ATP7A: variants seen among roughly 807,000 people sequenced by gnomAD.
ATP7A encodes the protein copper-transporting ATPase 1.
In ATP7A, 7 loss-of-function variants were observed where a neutral mutation model predicts 83.5. The ratio of observed to expected loss-of-function variants is 0.08; its 90% CI spans 0.05 to 0.16. The LOEUF (loss-of-function observed/expected upper bound fraction) is 0.16. ATP7A is among the 10% of genes least tolerant of loss of function. The pLI, the probability that ATP7A is intolerant of heterozygous loss-of-function variation, is 1.00. For missense variants in ATP7A, 940 were observed against 1,120.8 expected (o/e 0.84, Z 2.30); for synonymous variants, 354 against 395.2 (o/e 0.90, Z 1.24).
At chrX:78,008,970 C>T (rs375913727) in intron 6 of ATP7A, 132 bp from the exon 7 acceptor site, 23 of 666,333 alleles carry the variant, frequency 3.5e-5, no homozygotes, top group Admixed American at 2.4e-4. Context: ...GAGCCGAGAT[C>T]GCACCACTGC....
chrX:77,947,515 T>C (rs2077386713), intron 1 of ATP7A, among the ~76,000 whole-genome samples: 1 of 109,786 alleles, frequency 9.1e-6, no homozygotes, highest in African/African-American at 3.3e-5. Flanking sequence ...CTTGGCTCAC[T>C]GCAACCTCCG....
At position 78,046,344 on chromosome X, in the gene ATP7A, T is replaced by C. The variant is rs782077921; in HGVS notation, c.4277T>C (p.Ile1426Thr). 4 of 1,210,079 alleles carry C rather than the reference T, an allele frequency of 3.3e-6. No homozygotes were observed. In the East Asian group the frequency reaches 1.2e-4, roughly 36 times the overall value. Residue 1426 changes from isoleucine (I) to threonine (T), a missense_variant, in exon 23 of 23, where the codon ATA becomes ACA. This residue lies in a region of ATP7A where 386 missense variants were observed against 502.2 expected (regional missense o/e 0.77). Transcript: ENST00000341514. ...ESYELPARSQ[I>T]GQKSPSEISV... ...TATGAACTGCCTGCCCGGAGCCAGA[T>C]AGGACAGAAGAGTCCTTCAGAAATC... is the stretch of plus-strand genomic sequence containing the variant.
intron 1 of ATP7A, among the ~76,000 whole-genome samples, chrX:77,948,100 T>TATTTATTCATTC (rs1452191503): frequency 1.2e-4 from 11 of 89,748 alleles, no homozygotes; most frequent in African/African-American, 4.5e-4. Context: ...TTTATTTATT[T>TATTTATTCATTC]ATTCATTCAT....
chrX:78,029,569 T>C (rs782103611), intron 15 of ATP7A, 125 bp downstream of exon 15: 1 of 722,758 alleles, frequency 1.4e-6, no homozygotes, highest in Non-Finnish European at 2.1e-6. Flanking sequence ...TCTAGGACTA[T>C]CCAGAGATTT....
chrX:77,986,746 A>C (rs782721512), intron 2 of ATP7A, among the ~76,000 whole-genome samples: 1 of 111,024 alleles, frequency 9.0e-6, no homozygotes, highest in South Asian at 3.8e-4. Flanking sequence ...CTTAATTCAG[A>C]CCCTCTATTG....
chrX:78,001,445 C>CT (rs5902760), intron 5 of ATP7A, among the ~76,000 whole-genome samples: 51,010 of 109,488 alleles, frequency 0.47, 11,176 homozygotes, highest in African/African-American at 0.86. Context: ...AGCATTTATC[C>CT]TTGTGTTATA....
chrX:78,006,450 T>C (rs888276815), intron 6 of ATP7A, among the ~76,000 whole-genome samples: 1 of 111,931 alleles, frequency 8.9e-6, no homozygotes, highest in Non-Finnish European at 1.9e-5. Context: ...AATGAGTAGG[T>C]TTTTATATGT....
intron 12 of ATP7A, among the ~76,000 whole-genome samples, chrX:78,018,065 C>A (rs1346296835): frequency 9.4e-6 from 1 of 106,820 alleles, no homozygotes; most frequent in Non-Finnish European, 1.9e-5. Flanking sequence ...CGTGAGCCAC[C>A]GCGCCCGGCC....
intron 1 of ATP7A, among the ~76,000 whole-genome samples, chrX:77,948,088 TATTTATTTATTTATTC>T (rs1238156599): frequency 3.0e-3 from 292 of 95,977 alleles, no homozygotes; most frequent in African/African-American, 4.1e-3. Context: ...TTTATTTATT[TATTTATTTATTTATTC>T]ATTCATTCAT....
intron 4 of ATP7A, among the ~76,000 whole-genome samples, chrX:77,995,992 G>A (rs1223421147): frequency 9.0e-6 from 1 of 111,390 alleles, no homozygotes; most frequent in African/African-American, 3.3e-5. Flanking sequence ...TGATCCACCC[G>A]CCTCGGCCTC....
intron 16 of ATP7A, among the ~76,000 whole-genome samples, chrX:78,031,802 G>C (rs2077985498): frequency 8.9e-6 from 1 of 112,107 alleles, no homozygotes; most frequent in Non-Finnish European, 1.9e-5. Context: ...GATAACTCCT[G>C]TTGACATAAA....
At chrX:77,914,215 C>T (rs1284502804) in intron 1 of ATP7A, among the ~76,000 whole-genome samples, 1 of 110,609 alleles carries the variant, frequency 9.0e-6, no homozygotes, top group Non-Finnish European at 1.9e-5. Flanking sequence ...TGCCACCATG[C>T]CTAGCTACTT....
intron 1 of ATP7A, among the ~76,000 whole-genome samples, chrX:77,921,097 A>G (rs1296215391): frequency 1.8e-5 from 2 of 112,055 alleles, no homozygotes; most frequent in African/African-American, 6.5e-5. Flanking sequence ...TTGGGTAATA[A>G]CGTTTTAACT....
At chrX:77,933,316 T>C (rs1048290443) in intron 1 of ATP7A, among the ~76,000 whole-genome samples, 23 of 111,434 alleles carry the variant, frequency 2.1e-4, no homozygotes, top group Non-Finnish European at 3.6e-4. Flanking sequence ...TAAAAAAAAC[T>C]GTAGAGACAG....
intron 2 of ATP7A, among the ~76,000 whole-genome samples, chrX:77,974,530 G>A (rs954037740): frequency 2.7e-5 from 3 of 110,865 alleles, no homozygotes; most frequent in Admixed American, 9.7e-5. Flanking sequence ...TTGATTGGGA[G>A]TGGTGAGAGT....
In ATP7A at chrX:77,998,823, C is replaced by T. The variant is rs1362697723; in HGVS notation, c.1543+139C>T. On this transcript the variant is annotated intron_variant, in intron 5 of 22. Coordinates refer to ENST00000341514, the MANE Select transcript of ATP7A (RefSeq NM_000052.7). ...TTTTCAGTAATGTGTGGGACAACCC[C>T]GATGTCCTGGAAGCCTTAGTGTTTT... 7.5e-6 allele frequency: 5 copies of T among 666,061 alleles called. No individual in the cohort carries two copies. In the South Asian group the frequency reaches 9.9e-5, roughly 13 times the overall value. 54.9% of individuals were successfully genotyped at this position (666,061 alleles called of 1,213,427 possible).
At chrX:77,939,718 A>C (rs781887980) in intron 1 of ATP7A, among the ~76,000 whole-genome samples, 1 of 111,432 alleles carries the variant, frequency 9.0e-6, no homozygotes, top group Non-Finnish European at 1.9e-5. Flanking sequence ...GAGGTATTAG[A>C]GAGTTTAATA....
In ATP7A at chrX:77,998,430, T is replaced by C. The variant is rs781846719; in HGVS notation, c.1337-48T>C. ...ATTGTGATGCAAGGCAAGGATGCAA[T>C]TGAATGATCAATACTGCAAATGAAA... On this transcript the variant is annotated intron_variant, in intron 4 of 22. Coordinates refer to ENST00000341514, the MANE Select transcript of ATP7A (RefSeq NM_000052.7). The C allele has an allele frequency of 7.0e-6, 8 of 1,147,911 alleles. No homozygotes were observed. The South Asian group carries it at 1.1e-4, about 16-fold the overall frequency. The allele number at this position is 1,147,911 out of a possible 1,213,427, so 94.6% of individuals were successfully genotyped here.
Position 78,042,549 on chromosome X carries a change from T to A in ATP7A, c.3802-36T>A, listed in dbSNP as rs1569550329. The A allele has an allele frequency of 2.5e-6, 3 of 1,180,273 alleles. No homozygotes were observed. In the African/African-American group the frequency reaches 5.3e-5, roughly 21 times the overall value. On this transcript the variant is annotated intron_variant, in intron 19 of 22. Transcript: ENST00000341514. ...TCAGTTATGTTTCACGTACTCATTA[T>A]TTTTTAAATGAATTGAGTTTATTTT...
Sources: allele counts gnomAD v4.1 joint callset (sites outside exome capture counted in the v4.1 genomes callset), GRCh38; gene constraint gnomAD v4.1.1; regional missense constraint gnomAD v4.1.1; transcripts MANE v1.5; gene names NCBI Gene and HGNC (gene_info 2026-07-23, HGNC 2026-07-21).